JPH3: variants seen among roughly 807,000 people sequenced by gnomAD.
The protein encoded by JPH3 is junctophilin 3, also known as junctophilin-3.
JPH3 carries 11 observed loss-of-function variants against 59.6 expected under a neutral mutation model. The observed-to-expected ratio is 0.18, with a 90% CI of 0.12 to 0.31. The LOEUF (loss-of-function observed/expected upper bound fraction) is 0.31. Among genes scored for constraint, JPH3 ranks in the 10% least tolerant of loss-of-function variants. The pLI is 1.00. For missense variants in JPH3, 1,202 were observed against 1,105.7 expected (o/e 1.09, Z -1.24); for synonymous variants, 673 against 483.6 (o/e 1.39, Z -5.14).
intron 1 of JPH3, among the ~76,000 whole-genome samples, chr16:87,617,053 C>T (rs1266172911): frequency 1.4e-4 from 21 of 152,096 alleles, no homozygotes; most frequent in South Asian, 4.1e-4. Flanking sequence ...GGTGAAACCC[C>T]GTCTTTACTA....
At chr16:87,668,584 A>G (rs776210923) in intron 2 of JPH3, among the ~76,000 whole-genome samples, 1 of 152,182 alleles carries the variant, frequency 6.6e-6, no homozygotes, top group Non-Finnish European at 1.5e-5. Flanking sequence ...GTCCTTGCCA[A>G]GGGTCCGGTG....
At chr16:87,637,519 A>G (rs1222266552) in intron 1 of JPH3, among the ~76,000 whole-genome samples, 3 of 151,938 alleles carry the variant, frequency 2.0e-5, no homozygotes, top group African/African-American at 4.8e-5. Context: ...TCCTGTGTGC[A>G]TGTCTCTGAC....
intron 1 of JPH3, among the ~76,000 whole-genome samples, chr16:87,625,957 G>A (rs1418457203): frequency 2.0e-5 from 3 of 152,200 alleles, no homozygotes; most frequent in Non-Finnish European, 4.4e-5. Flanking sequence ...ACGTTCCACG[G>A]GACAGGCCAG....
At chr16:87,628,527 T>A (rs573740057) in intron 1 of JPH3, among the ~76,000 whole-genome samples, 1 of 151,858 alleles carries the variant, frequency 6.6e-6, no homozygotes, top group Admixed American at 6.6e-5. Context: ...TCCTACAGAG[T>A]GTGGGTTTTG....
chr16:87,669,000 G>A (rs971119694), intron 2 of JPH3, among the ~76,000 whole-genome samples: 1 of 152,108 alleles, frequency 6.6e-6, no homozygotes, highest in Non-Finnish European at 1.5e-5. Flanking sequence ...GAGGTCCTGC[G>A]AGGCGAGGCC....
chr16:87,696,481 G>A (rs1348718234), intron 4 of JPH3, 99 bp from the exon 5 acceptor site: 12 of 956,156 alleles, frequency 1.3e-5, no homozygotes, highest in Non-Finnish European at 2.0e-5. Context: ...CACCCCCGAG[G>A]GTCTGCTAGC....
chr16:87,678,841 C>T (rs941551819), intron 2 of JPH3, among the ~76,000 whole-genome samples: 5 of 152,214 alleles, frequency 3.3e-5, no homozygotes, highest in African/African-American at 9.6e-5. Context: ...AAGGCCACCA[C>T]GAGCCTGGGA....
chr16:87,605,249 C>G (rs2562059), intron 1 of JPH3, among the ~76,000 whole-genome samples: 76,189 of 152,098 alleles, frequency 0.5, 20,563 homozygotes, highest in African/African-American at 0.69. Flanking sequence ...TGAAACTCCT[C>G]AGAATATCTG....
At chr16:87,620,481 G>T (rs557156009) in intron 1 of JPH3, among the ~76,000 whole-genome samples, 14 of 120,152 alleles carry the variant, frequency 1.2e-4, no homozygotes, top group Non-Finnish European at 2.2e-4. Flanking sequence ...AAGGAGAGAA[G>T]AGAGGGAGAG....
At chr16:87,621,902 G>A (rs1246357011) in intron 1 of JPH3, among the ~76,000 whole-genome samples, 2 of 152,188 alleles carry the variant, frequency 1.3e-5, no homozygotes, top group African/African-American at 4.8e-5. Flanking sequence ...AAATAATGCG[G>A]AGATGGGTCA....
chr16:87,616,944 G>A (rs1323581797), intron 1 of JPH3, among the ~76,000 whole-genome samples: 3 of 152,202 alleles, frequency 2.0e-5, no homozygotes, highest in Admixed American at 6.5e-5. Flanking sequence ...TTCGTTCCAG[G>A]CTGGGCTCCG....
At chr16:87,675,091 C>A (rs1445289803) in intron 2 of JPH3, among the ~76,000 whole-genome samples, 1 of 152,170 alleles carries the variant, frequency 6.6e-6, no homozygotes, top group East Asian at 1.9e-4. Flanking sequence ...AATAAAATAT[C>A]CAGCCACAAT....
chr16:87,652,620 G>A (rs2032360464), intron 2 of JPH3, among the ~76,000 whole-genome samples: 1 of 152,214 alleles, frequency 6.6e-6, no homozygotes, highest in Non-Finnish European at 1.5e-5. Flanking sequence ...CACGCAGCTG[G>A]GCTAGGATGG....
intron 3 of JPH3, among the ~76,000 whole-genome samples, chr16:87,685,977 T>C (rs1597290627): frequency 6.6e-6 from 1 of 151,834 alleles, no homozygotes; most frequent in African/African-American, 2.4e-5. Flanking sequence ...GGGTGAGTCC[T>C]AGATCCACGC....
chr16:87,610,074 G>T (rs946475432), intron 1 of JPH3, among the ~76,000 whole-genome samples: 2 of 152,190 alleles, frequency 1.3e-5, no homozygotes, highest in African/African-American at 2.4e-5. Flanking sequence ...GTGCAAACTA[G>T]GTCCCTGGCA....
chr16:87,642,984 ACTGTTTAC>A (rs1202483151), intron 1 of JPH3, among the ~76,000 whole-genome samples: 1 of 152,176 alleles, frequency 6.6e-6, no homozygotes, highest in Non-Finnish European at 1.5e-5. Flanking sequence ...AGCTGTCATC[ACTGTTTAC>A]CTCCAAGGCT....
intron 4 of JPH3, chr16:87,695,780 C>A (rs1456867714): frequency 2.2e-6 from 1 of 456,096 alleles, no homozygotes; most frequent in East Asian, 7.0e-5. Context: ...GCAAGAATCA[C>A]TGCAGAAGGG....
At position 87,644,985 on chromosome 16, in the gene JPH3, T is replaced by C; in HGVS notation, c.1110T>C (p.Ala370=). 1 of 1,608,882 alleles carries C rather than the reference T, an allele frequency of 6.2e-7. No homozygotes were observed. The change falls in exon 2 of 5, where the codon GCT becomes GCC. Residue 370 remains alanine (A), a synonymous_variant. Transcript: ENST00000284262. ...AGGTGGACCGCGCCGTTGAGGCCGCTGAGCGGGCCGCCACCATCGCCAAGC... is the reference window on the plus strand; with the variant it reads ...AGGTGGACCGCGCCGTTGAGGCCGCCGAGCGGGCCGCCACCATCGCCAAGC... ...REKVDRAVEA[A]ERAATIAKQK...
intron 1 of JPH3, among the ~76,000 whole-genome samples, chr16:87,638,035 T>TC (rs1458293026): frequency 1.5e-4 from 23 of 152,186 alleles, no homozygotes; most frequent in Non-Finnish European, 2.4e-4. Context: ...TTCTCCTGCC[T>TC]CTGCCTCCCC....
Sources: gnomAD v4.1 joint callset for allele counts (sites outside exome capture counted in the v4.1 genomes callset) on GRCh38, gnomAD v4.1.1 for gene constraint, MANE v1.5 for transcripts, NCBI Gene and HGNC (gene_info 2026-07-23, HGNC 2026-07-21) for gene names.